The following NPAS3 variants were observed in gnomAD, a reference collection of about 807,000 sequenced individuals.
NPAS3 encodes the protein neuronal PAS domain protein 3.
A neutral mutation model predicts 73.1 loss-of-function variants in NPAS3; 14 were observed. That is an observed-to-expected ratio of 0.19 (90% CI 0.13 to 0.30). The LOEUF is 0.30. Ranked by LOEUF, NPAS3 falls within the 10% of genes least tolerant of loss-of-function variation. NPAS3 has a pLI of 1.00. For synonymous variants in NPAS3, 620 were observed against 541.5 expected, an observed-to-expected ratio of 1.14 and a Z score of -2.01; for missense variants, 1,096 against 1,250.0, an observed-to-expected ratio of 0.88 and a Z score of 1.86.
intron 3 of NPAS3, among the ~76,000 whole-genome samples, chr14:33,268,620 T>G (rs921030013): frequency 6.6e-6 from 1 of 152,188 alleles, no homozygotes; most frequent in African/African-American, 2.4e-5. Context: ...AACTTATCAG[T>G]CAGCTATGAT....
chr14:33,580,088 C>A (rs2056603797), intron 5 of NPAS3, among the ~76,000 whole-genome samples: 2 of 152,116 alleles, frequency 1.3e-5, no homozygotes, highest in South Asian at 2.1e-4. Context: ...GCTACTGTCA[C>A]AATGTTTATA....
chr14:33,060,379 C>T lies in NPAS3; in HGVS notation c.140+4385C>T, dbSNP rs969075628. Among the ~76,000 whole-genome samples the T allele has an allele frequency of 3.5e-4, 54 of 152,282 alleles. 1 individual carries two copies. Among genetic ancestry groups the T allele is most frequent in the African/African-American group, 1.2e-3 (51 of 41,546 alleles). On this transcript the variant is annotated intron_variant, in intron 2 of 11. Coordinates refer to ENST00000356141, the Ensembl canonical transcript of NPAS3. ...CTGAGATGGCAGTTTCAATTACTAA[C>T]GTTTATTGAGCACATGCTATGCCAT...
chr14:33,439,967 T>A (rs1400326220), intron 4 of NPAS3, among the ~76,000 whole-genome samples: 1 of 151,614 alleles, frequency 6.6e-6, no homozygotes, highest in Non-Finnish European at 1.5e-5. Flanking sequence ...TACAAAAAAA[T>A]TAGCTAGGCG....
intron 3 of NPAS3, among the ~76,000 whole-genome samples, chr14:33,322,674 G>A (rs10152043): frequency 0.19 from 28,473 of 151,692 alleles, 2,754 homozygotes; most frequent in African/African-American, 0.22. Flanking sequence ...TTTTCATCTC[G>A]TTTCTAACTA....
In NPAS3 at chr14:33,683,427, C is replaced by CAAAAAAAAA. The variant is rs1176606241; in HGVS notation, c.733+7058_733+7066dup. Among the ~76,000 whole-genome samples, 14 of 77,518 alleles carry CAAAAAAAAA rather than the reference C, an allele frequency of 1.8e-4. 2 individuals are homozygous for CAAAAAAAAA. Among genetic ancestry groups the CAAAAAAAAA allele is most frequent in the East Asian group, 1.4e-3 (3 of 2,218 alleles). 50.9% of individuals were successfully genotyped at this position (77,518 alleles called of 152,430 possible). ...AATTATGACCTGTTTTTCCTCATTT[C>CAAAAAAAAA]AAAAAAAAAAAAAAAAAAAAAAAAG... On this transcript the variant is annotated intron_variant, in intron 6 of 11. Coordinates refer to ENST00000356141, the Ensembl canonical transcript of NPAS3.
At chr14:33,721,249 T>C (rs1016941981) in intron 6 of NPAS3, among the ~76,000 whole-genome samples, 1 of 152,160 alleles carries the variant, frequency 6.6e-6, no homozygotes, top group African/African-American at 2.4e-5. Context: ...CACACTGCTA[T>C]CTTACCTGGT....
Position 33,269,405 on chromosome 14 carries a change from G to A in NPAS3, c.385+53979G>A, listed in dbSNP as rs536346086. Among the ~76,000 whole-genome samples, 40 of 152,238 alleles carry A rather than the reference G, an allele frequency of 2.6e-4. No individual in the cohort carries two copies. In the South Asian group the frequency reaches 8.3e-3, roughly 32 times the overall value. ...CCCAAATTTAGTAAGTGGCAGAGCT[G>A]GGATTTGAACTCAGGTCAGAATAGG... is the stretch of plus-strand genomic sequence containing the variant. On this transcript the variant is annotated intron_variant, in intron 3 of 11. Coordinates refer to ENST00000356141, the Ensembl canonical transcript of NPAS3.
At chr14:33,688,221 C>T (rs1260510277) in intron 6 of NPAS3, among the ~76,000 whole-genome samples, 1 of 152,136 alleles carries the variant, frequency 6.6e-6, no homozygotes, top group Non-Finnish European at 1.5e-5. Flanking sequence ...TCAACCCTTG[C>T]CCAGAAAGAG....
At chr14:33,549,730 G>T (rs1339273186) in intron 4 of NPAS3, among the ~76,000 whole-genome samples, 2 of 152,148 alleles carry the variant, frequency 1.3e-5, no homozygotes, top group Non-Finnish European at 2.9e-5. Context: ...CTTCAAGGCA[G>T]TCACTTTAGA....
intron 7 of NPAS3, among the ~76,000 whole-genome samples, chr14:33,752,994 A>AT: frequency 6.6e-6 from 1 of 152,296 alleles, no homozygotes; most frequent in South Asian, 2.1e-4. Flanking sequence ...TGATGCCCCA[A>AT]TCTGTGCATT....
intron 1 of NPAS3, among the ~76,000 whole-genome samples, chr14:32,946,876 T>C (rs1276094118): frequency 6.6e-6 from 1 of 152,148 alleles, no homozygotes; most frequent in African/African-American, 2.4e-5. Context: ...GACTACAAAA[T>C]TTTTAACCAC....
chr14:33,127,024 C>T (rs959369975), intron 2 of NPAS3, among the ~76,000 whole-genome samples: 1 of 151,642 alleles, frequency 6.6e-6, no homozygotes, highest in Admixed American at 6.6e-5. Context: ...TTCCTAATTC[C>T]ATCTCCACTG....
chr14:33,726,798 C>T (rs2061280033), intron 6 of NPAS3, among the ~76,000 whole-genome samples: 1 of 152,126 alleles, frequency 6.6e-6, no homozygotes, highest in Admixed American at 6.6e-5. Context: ...GGTTTAATCA[C>T]AACATTGTCT....
intron 4 of NPAS3, among the ~76,000 whole-genome samples, chr14:33,526,155 T>A (rs1181888384): frequency 2.0e-5 from 3 of 152,168 alleles, no homozygotes; most frequent in East Asian, 1.9e-4. Flanking sequence ...GTACCTGGAA[T>A]GCATTTCCTC....
In NPAS3 at chr14:33,788,825, G is replaced by C. The variant is rs28550697; in HGVS notation, c.1154-5072G>C. Among the ~76,000 whole-genome samples the C allele has an allele frequency of 2.6e-3, 392 of 152,248 alleles. 1 individual carries two copies. The highest frequency in any genetic ancestry group is 9.1e-3 in the African/African-American group (376 of 41,534). On this transcript the variant is annotated intron_variant, in intron 9 of 11. Coordinates refer to ENST00000356141, the Ensembl canonical transcript of NPAS3. ...GTTGGTAACTGTGTGCAGGGCCACG[G>C]ATGTGTACCTCAGGAAAAAGTTCAT...
In NPAS3 at chr14:33,198,320, TGCTGATTGGTCCATTTTACAGAGC is replaced by T. The variant is rs1232129740; in HGVS notation, c.141-16838_141-16815del. On this transcript the variant is annotated intron_variant, in intron 2 of 11. Coordinates refer to ENST00000356141, the Ensembl canonical transcript of NPAS3. ...CCCTTATCTGGCCCCACCCACATCC[TGCTGATTGGTCCATTTTACAGAGC>T]GCTGATTGGTCCATTTTACAGAGAG... Among the ~76,000 whole-genome samples, 416 of 152,294 alleles carry T rather than the reference TGCTGATTGGTCCATTTTACAGAGC, an allele frequency of 2.7e-3. 2 individuals carry two copies. Among genetic ancestry groups the T allele is most frequent in the African/African-American group, 9.4e-3 (391 of 41,558 alleles).
intron 2 of NPAS3, among the ~76,000 whole-genome samples, chr14:33,127,769 A>T (rs1482369256): frequency 6.6e-6 from 1 of 152,106 alleles, no homozygotes; most frequent in Non-Finnish European, 1.5e-5. Context: ...GCTTTGGAGG[A>T]TGTGACTCAC....
intron 4 of NPAS3, among the ~76,000 whole-genome samples, chr14:33,529,312 C>T (rs1388008360): frequency 6.6e-6 from 1 of 152,038 alleles, no homozygotes; most frequent in Non-Finnish European, 1.5e-5. Flanking sequence ...CTAAAGATGC[C>T]ATCAGGGTGC....
chr14:33,551,916 G>A (rs932395568), intron 4 of NPAS3, among the ~76,000 whole-genome samples: 2 of 152,190 alleles, frequency 1.3e-5, no homozygotes, highest in Non-Finnish European at 2.9e-5. Context: ...TCATCCAGGG[G>A]TCCCCACTGT....
Sources: gnomAD v4.1 joint callset for allele counts (sites outside exome capture counted in the v4.1 genomes callset) on GRCh38, gnomAD v4.1.1 for gene constraint, MANE v1.5 for transcripts, NCBI Gene and HGNC (gene_info 2026-07-23, HGNC 2026-07-21) for gene names.